ULK4: variants seen among roughly 807,000 people sequenced by gnomAD.
ULK4 encodes the protein unc-51 like kinase 4, also known as inactive serine/threonine-protein kinase ULK4.
In ULK4, 133 loss-of-function variants were observed where a neutral mutation model predicts 160.6. The observed-to-expected ratio is 0.83, with a 90% CI of 0.72 to 0.96. The LOEUF is 0.96. Ranked by LOEUF, ULK4 falls within the 40% of genes least tolerant of loss-of-function variation. The pLI, the probability that ULK4 is intolerant of heterozygous loss-of-function variation, is 0.00. For missense variants in ULK4, 1,580 were observed against 1,499.5 expected (o/e 1.05, Z -0.89); for synonymous variants, 534 against 539.8 (o/e 0.99, Z 0.15).
In ULK4 at chr3:41,624,539, T is replaced by C. The variant is rs906018283; in HGVS notation, c.3072-8822A>G. 3.9e-5 allele frequency among the ~76,000 whole-genome samples: 6 copies of C among 152,204 alleles called. No individual in the cohort carries two copies. In the South Asian group the frequency reaches 1.2e-3, roughly 32 times the overall value. Reference sequence around the variant, plus strand: ...ACGCTGGCCTGGATTACCTCTTAAGTCTCTTTGACTATAAATGCTAACATT... The same window carrying C: ...ACGCTGGCCTGGATTACCTCTTAAGCCTCTTTGACTATAAATGCTAACATT... On this transcript the variant is annotated intron_variant, in intron 30 of 36. Transcript: ENST00000301831.
chr3:41,312,650 AAC>A (rs1478045132), intron 35 of ULK4, among the ~76,000 whole-genome samples: 1 of 109,016 alleles, frequency 9.2e-6, no homozygotes, highest in African/African-American at 4.3e-5. Flanking sequence ...AACAAAAACA[AAC>A]AAACAAACAA....
At chr3:41,925,266 G>A (rs1699337810) in intron 5 of ULK4, among the ~76,000 whole-genome samples, 1 of 152,184 alleles carries the variant, frequency 6.6e-6, no homozygotes, top group Non-Finnish European at 1.5e-5. Flanking sequence ...GCAGAAGCAA[G>A]GTGGGGTGTT....
intron 35 of ULK4, among the ~76,000 whole-genome samples, chr3:41,350,631 C>A (rs983980590): frequency 6.6e-6 from 1 of 152,142 alleles, no homozygotes; most frequent in African/African-American, 2.4e-5. Flanking sequence ...AGTGAACTCA[C>A]GGTTTACTCT....
chr3:41,261,876 T>C (rs2078951438), intron 35 of ULK4, among the ~76,000 whole-genome samples: 1 of 152,222 alleles, frequency 6.6e-6, no homozygotes, highest in South Asian at 2.1e-4. Flanking sequence ...CGCTCTTAGA[T>C]GGAGGTCCGT....
intron 27 of ULK4, 106 bp from the exon 28 acceptor site, chr3:41,681,910 A>ACTCCCT: frequency 8.2e-7 from 1 of 1,219,728 alleles, no homozygotes; most frequent in South Asian, 1.3e-5. Flanking sequence ...AAAGGAGTGA[A>ACTCCCT]AAAAAGCAAC....
At chr3:41,537,613 C>A (rs1428386112) in intron 32 of ULK4, among the ~76,000 whole-genome samples, 1 of 152,020 alleles carries the variant, frequency 6.6e-6, no homozygotes, top group Admixed American at 6.6e-5. Flanking sequence ...CAACCATTGT[C>A]CAATATCAAA....
At chr3:41,471,484 TAG>T (rs2083989836) in intron 32 of ULK4, among the ~76,000 whole-genome samples, 1 of 152,184 alleles carries the variant, frequency 6.6e-6, no homozygotes, top group South Asian at 2.1e-4. Context: ...AACAACACTT[TAG>T]ACCAATGAAC....
chr3:41,770,880 G>C (rs540126009), intron 21 of ULK4, among the ~76,000 whole-genome samples: 2 of 152,224 alleles, frequency 1.3e-5, no homozygotes, highest in South Asian at 4.1e-4. Context: ...TTTTCATGAA[G>C]AATATTAAGT....
At chr3:41,936,043 G>C (rs1699767187) in intron 3 of ULK4, 103 bp from the exon 4 acceptor site, 69 of 1,450,000 alleles carry the variant, frequency 4.8e-5, no homozygotes, top group Non-Finnish European at 6.4e-5. Context: ...AAATGATCAA[G>C]ACAGTAAACG....
chr3:41,641,165 T>C (rs932572746), intron 30 of ULK4, among the ~76,000 whole-genome samples: 1 of 152,174 alleles, frequency 6.6e-6, no homozygotes, highest in Non-Finnish European at 1.5e-5. Context: ...ATACGCAATA[T>C]CCATTGTCAC....
intron 16 of ULK4, among the ~76,000 whole-genome samples, chr3:41,887,049 A>C (rs1697747354): frequency 6.6e-6 from 1 of 152,186 alleles, no homozygotes; most frequent in African/African-American, 2.4e-5. Flanking sequence ...TAACAGATGA[A>C]TCTATCGAAC....
intron 32 of ULK4, among the ~76,000 whole-genome samples, chr3:41,469,602 C>CAAAAAAAAAAAAAAAAAAAAAAAAAAA (rs71616008): frequency 3.5e-4 from 4 of 11,312 alleles, no homozygotes; most frequent in Non-Finnish European, 5.2e-4. Context: ...CTACACCTGC[C>CAAAAAAAAAAAAAAAAAAAAAAAAAAA]AAAAAAAAAA....
chr3:41,855,854 A>T (rs1575833795), intron 17 of ULK4, among the ~76,000 whole-genome samples: 1 of 152,276 alleles, frequency 6.6e-6, no homozygotes, highest in South Asian at 2.1e-4. Context: ...ACTAACTTAC[A>T]CTACATTCAA....
rs950797983 is a variant in ULK4 at position 41,686,310 on chromosome 3, C to G, written c.2782-4506G>C. Among the ~76,000 whole-genome samples the G allele has an allele frequency of 2.0e-5, 3 of 152,084 alleles. No individual in the cohort carries two copies. The East Asian group carries it at 5.8e-4, about 29-fold the overall frequency. Reference sequence around the variant, plus strand: ...ATATACACAAATATAAAATAACCAACAGTACATAAATAGGGATATGTAGAA... The same window carrying G: ...ATATACACAAATATAAAATAACCAAGAGTACATAAATAGGGATATGTAGAA... On this transcript the variant is annotated intron_variant, in intron 27 of 36. Coordinates refer to ENST00000301831, the MANE Select transcript of ULK4 (RefSeq NM_017886.4).
intron 35 of ULK4, among the ~76,000 whole-genome samples, chr3:41,267,019 G>GC (rs59706529): frequency 1.6e-5 from 1 of 63,724 alleles, no homozygotes; most frequent in Non-Finnish European, 3.2e-5. Flanking sequence ...TGTCTCTATT[G>GC]GGGGGGGGGG....
At chr3:41,507,178 C>CAAA (rs149739568) in intron 32 of ULK4, among the ~76,000 whole-genome samples, 4 of 82,128 alleles carry the variant, frequency 4.9e-5, no homozygotes, top group African/African-American at 1.8e-4. Flanking sequence ...TAACCAGGAG[C>CAAA]AAAAAAAAAA....
At chr3:41,927,753 CAAAG>C (rs958806676) in intron 5 of ULK4, among the ~76,000 whole-genome samples, 3 of 145,482 alleles carry the variant, frequency 2.1e-5, no homozygotes, top group Non-Finnish European at 3.0e-5. Context: ...TCAAAAGAAA[CAAAG>C]AAGGCCATTA....
chr3:41,279,982 C>G (rs550046067), intron 35 of ULK4, among the ~76,000 whole-genome samples: 1 of 152,016 alleles, frequency 6.6e-6, no homozygotes, highest in African/African-American at 2.4e-5. Flanking sequence ...CAAAACAAAA[C>G]AAAACTAAAA....
At chr3:41,831,217 G>A (rs1419406505) in intron 18 of ULK4, among the ~76,000 whole-genome samples, 2 of 151,670 alleles carry the variant, frequency 1.3e-5, no homozygotes, top group African/African-American at 4.8e-5. Context: ...TTTTAGACGA[G>A]GTTTCACCAT....
Sources: gnomAD v4.1 joint callset for allele counts (sites outside exome capture counted in the v4.1 genomes callset) on GRCh38, gnomAD v4.1.1 for gene constraint, MANE v1.5 for transcripts, NCBI Gene and HGNC (gene_info 2026-07-23, HGNC 2026-07-21) for gene names.